The following NLRP4 variants were observed in gnomAD, a reference collection of about 807,000 sequenced individuals.
NLRP4 encodes NACHT, LRR and PYD domains-containing protein 4.
NLRP4 carries 44 observed loss-of-function variants against 84.7 expected under a neutral mutation model. That is an observed-to-expected ratio of 0.52 (90% CI 0.41 to 0.67). The LOEUF (loss-of-function observed/expected upper bound fraction) is 0.67. NLRP4 is among the 30% of genes least tolerant of loss of function. The pLI is 0.00. For missense variants in NLRP4, 1,260 were observed against 1,219.4 expected (o/e 1.03, Z -0.50); for synonymous variants, 544 against 476.4 (o/e 1.14, Z -1.85).
At chr19:55,853,824 T>C (rs571184471) in intron 2 of NLRP4, among the ~76,000 whole-genome samples, 84 of 151,426 alleles carry the variant, frequency 5.5e-4, no homozygotes, top group Non-Finnish European at 9.6e-4. Context: ...TCTTTCTTGC[T>C]GTCTCTTTCT....
chr19:55,851,955 A>G (rs996242337), intron 1 of NLRP4, 61 bp from the exon 2 acceptor site: 6 of 735,664 alleles, frequency 8.2e-6, no homozygotes, highest in Non-Finnish European at 1.4e-5. Flanking sequence ...AAGATACTAT[A>G]TAATGGTAAT....
In NLRP4 at chr19:55,858,826, G is replaced by A. The variant is rs900553714; in HGVS notation, c.1433G>A (p.Arg478Lys). Residue 478 changes from arginine (R) to lysine (K), a missense_variant, in exon 3 of 10, where the codon AGA becomes AAA. Transcript: ENST00000301295. This position sits in a 1 kb window ranked among gnomAD's most constrained non-coding sequence, Gnocchi z 4.2. ...CTTGATCATCCTCACCCAGCTGTGA[G>A]ATGTGTACAGGAATTGCTAGTTGCC... is the stretch of plus-strand genomic sequence containing the variant. The part of the protein sequence containing the change: ...SHLDHPHPAV[R>K]CVQELLVANF... The A allele has an allele frequency of 5.6e-6, 9 of 1,614,058 alleles. No individual in the cohort carries two copies. The highest frequency in any genetic ancestry group is 3.3e-5 in the Admixed American group (2 of 60,002).
Position 55,858,453 on chromosome 19 carries a change from G to C in NLRP4, c.1060G>C (p.Glu354Gln). The change falls in exon 3 of 10, where the codon GAG becomes CAG. Residue 354 changes from glutamate (E) to glutamine (Q), a missense_variant. Around this residue, in one of 3 missense-constraint regions of NLRP4, gnomAD observed 712 missense variants for 669.2 expected, o/e 1.06. Transcript: ENST00000301295. This position sits in a 1 kb window ranked among gnomAD's most constrained non-coding sequence, Gnocchi z 4.2. ...CWILCTSLKQ[E>Q]MQKGKDLALT... ...GATCCTGTGTACCAGTCTGAAGCAA[G>C]AGATGCAGAAAGGAAAAGACCTGGC... 1 of 1,614,134 alleles carries C rather than the reference G, an allele frequency of 6.2e-7. No homozygotes were observed.
At chr19:55,865,049 C>T (rs538583956) in intron 5 of NLRP4, among the ~76,000 whole-genome samples, 110 of 152,206 alleles carry the variant, frequency 7.2e-4, no homozygotes, top group African/African-American at 2.6e-3. Flanking sequence ...GTAAATGGCA[C>T]GTCATGGAAG....
chr19:55,862,326 G>A (rs1242655572), intron 5 of NLRP4, among the ~76,000 whole-genome samples, 167 bp downstream of exon 5: 1 of 130,958 alleles, frequency 7.6e-6, no homozygotes, highest in Non-Finnish European at 1.6e-5. Flanking sequence ...GTAAGTCTCC[G>A]TTTATTGAGA....
chr19:55,853,969 C>T lies in NLRP4; in HGVS notation c.280+1609C>T, dbSNP rs118035444. On this transcript the variant is annotated intron_variant, in intron 2 of 9. Transcript: ENST00000301295. ...TGTCTTTCTCTCTATTTCTCTCTTT[C>T]CTTCTTTCTTTCTTCTTTGATACAG... Among the ~76,000 whole-genome samples the T allele has an allele frequency of 8.0e-3, 1,103 of 138,244 alleles. 4 individuals carry two copies. The highest frequency in any genetic ancestry group is 0.013 in the Non-Finnish European group (826 of 65,984). 90.7% of individuals were successfully genotyped at this position (138,244 alleles called of 152,430 possible).
rs575129991 is a variant in NLRP4 at position 55,870,703 on chromosome 19, A to C, written c.2355-124A>C. The C allele has an allele frequency of 1.6e-5, 11 of 670,396 alleles. No homozygotes were observed. The South Asian group carries it at 2.1e-4, about 13-fold the overall frequency. 41.5% of individuals were successfully genotyped at this position (670,396 alleles called of 1,614,324 possible). On this transcript the variant is annotated intron_variant, in intron 6 of 9. Transcript: ENST00000301295. ...GAGGAGGTGTTTTCAGATAATCCAG[A>C]ACTTCATCTCAGCTGGGGAGTTTGT... is the stretch of plus-strand genomic sequence containing the variant.
At chr19:55,847,514 T>C (rs1344713488) in intron 1 of NLRP4, among the ~76,000 whole-genome samples, 2 of 152,206 alleles carry the variant, frequency 1.3e-5, no homozygotes, top group African/African-American at 4.8e-5. Flanking sequence ...ATGTTTTTAG[T>C]ATCTTTTAAA....
At chr19:55,847,231 TA>T (rs1197001134) in intron 1 of NLRP4, among the ~76,000 whole-genome samples, 1 of 152,222 alleles carries the variant, frequency 6.6e-6, no homozygotes, top group African/African-American at 2.4e-5. Context: ...CTGTATAACT[TA>T]ACCCTTTTAT....
chr19:55,866,347 T>G (rs939995185), intron 5 of NLRP4, among the ~76,000 whole-genome samples: 1 of 152,156 alleles, frequency 6.6e-6, no homozygotes, highest in Non-Finnish European at 1.5e-5. Context: ...AACCTATATC[T>G]TAAATCTAGA....
At chr19:55,863,119 G>T (rs1984825924) in intron 5 of NLRP4, among the ~76,000 whole-genome samples, 1 of 152,180 alleles carries the variant, frequency 6.6e-6, no homozygotes, top group Non-Finnish European at 1.5e-5. Context: ...GTGGTTACAT[G>T]CTCCTGTTCC....
At chr19:55,845,181 C>A (rs1270500046) in intron 1 of NLRP4, among the ~76,000 whole-genome samples, 1 of 110,554 alleles carries the variant, frequency 9.0e-6, no homozygotes, top group Non-Finnish European at 1.8e-5. Flanking sequence ...CCCCCCTCCC[C>A]CCACCCCATA....
At chr19:55,880,989 G>T (rs1364413906) in intron 9 of NLRP4, among the ~76,000 whole-genome samples, 1 of 152,178 alleles carries the variant, frequency 6.6e-6, no homozygotes, top group Non-Finnish European at 1.5e-5. Context: ...AGTAAAAATA[G>T]CTTCAGTCTT....
rs369772062 is a variant in NLRP4 at position 55,866,871 on chromosome 19, T to C, written c.2187-838T>C. Among the ~76,000 whole-genome samples, 239 of 152,236 alleles carry C rather than the reference T, an allele frequency of 1.6e-3. 1 individual carries two copies. The highest frequency in any genetic ancestry group is 5.4e-3 in the African/African-American group (225 of 41,544). On this transcript the variant is annotated intron_variant, in intron 5 of 9. Coordinates refer to ENST00000301295, the MANE Select transcript of NLRP4 (RefSeq NM_134444.5). ...AAAAAGAACCAGGGTGGCTGGGACA[T>C]GGGGACTTGGGAATGGGTAGGACCC...
intron 9 of NLRP4, among the ~76,000 whole-genome samples, chr19:55,880,168 CT>C (rs1985533309): frequency 1.1e-5 from 1 of 89,766 alleles, no homozygotes; most frequent in African/African-American, 3.8e-5. Context: ...AGAACATTCA[CT>C]GATTTTTTTT....
intron 2 of NLRP4, among the ~76,000 whole-genome samples, chr19:55,854,540 C>T (rs1029648028): frequency 6.6e-6 from 1 of 152,108 alleles, no homozygotes; most frequent in Non-Finnish European, 1.5e-5. Flanking sequence ...TCTGTAATAT[C>T]TTGTTCCAGT....
At chr19:55,859,935 A>AAAAAC (rs1232122747) in intron 3 of NLRP4, among the ~76,000 whole-genome samples, 7 of 134,120 alleles carry the variant, frequency 5.2e-5, no homozygotes, top group African/African-American at 1.9e-4. Flanking sequence ...CCAAAAAAAA[A>AAAAAC]AAAAAAAAAA....
chr19:55,874,688 C>T (rs547048817), intron 7 of NLRP4, among the ~76,000 whole-genome samples: 2 of 152,130 alleles, frequency 1.3e-5, no homozygotes, highest in South Asian at 4.1e-4. Flanking sequence ...TAAATAATTC[C>T]ACTCTTACAT....
At chr19:55,840,569 T>A (rs966151380) in intron 1 of NLRP4, among the ~76,000 whole-genome samples, 17 of 152,048 alleles carry the variant, frequency 1.1e-4, no homozygotes, top group African/African-American at 3.6e-4. Flanking sequence ...TTTTTATTTT[T>A]TGGTATTTTT....
Sources: gnomAD v4.1 joint callset for allele counts (sites outside exome capture counted in the v4.1 genomes callset) on GRCh38, gnomAD v4.1.1 for gene constraint, gnomAD v4.1.1 regional missense constraint, Gnocchi (gnomAD v3.1) non-coding constraint, MANE v1.5 for transcripts, NCBI Gene and HGNC (gene_info 2026-07-23, HGNC 2026-07-21) for gene names.